Variants in CC2D2B observed in about 807,000 individuals in gnomAD.
The protein encoded by CC2D2B is coiled-coil and C2 domain containing 2B, also known as protein CC2D2B.
CC2D2B carries 128 observed loss-of-function variants against 161.2 expected under a neutral mutation model. That is an observed-to-expected ratio of 0.79 (90% CI 0.69 to 0.92). The LOEUF is 0.92. Among genes scored for constraint, CC2D2B ranks in the 40% least tolerant of loss-of-function variants. CC2D2B has a pLI of 0.00. For synonymous variants in CC2D2B, 391 were observed against 449.8 expected, an observed-to-expected ratio of 0.87 and a Z score of 1.65; for missense variants, 1,173 against 1,375.1, an observed-to-expected ratio of 0.85 and a Z score of 2.32.
At chr10:95,962,392 G>C (rs2076791037) in intron 12 of CC2D2B, among the ~76,000 whole-genome samples, 1 of 152,136 alleles carries the variant, frequency 6.6e-6, no homozygotes, top group Non-Finnish European at 1.5e-5. Context: ...GAAAAGACAA[G>C]ACATTAACAA....
intron 12 of CC2D2B, 97 bp downstream of exon 12, chr10:95,962,066 G>A (rs1187378568): frequency 7.8e-6 from 6 of 773,382 alleles, no homozygotes; most frequent in Non-Finnish European, 1.0e-5. Flanking sequence ...CAGAAGCTAG[G>A]CAACTATTCC....
chr10:96,008,950 T>C (rs1326438514), intron 25 of CC2D2B, among the ~76,000 whole-genome samples: 1 of 152,090 alleles, frequency 6.6e-6, no homozygotes, highest in Non-Finnish European at 1.5e-5. Context: ...ATTTTGCAAC[T>C]CTGTTTGTAG....
At chr10:95,946,742 G>A (rs2076211414) in intron 9 of CC2D2B, among the ~76,000 whole-genome samples, 1 of 152,078 alleles carries the variant, frequency 6.6e-6, no homozygotes, top group African/African-American at 2.4e-5. Flanking sequence ...GAAAAAATAA[G>A]GAGGCAGAGA....
chr10:95,979,484 T>C (rs2077436085), intron 17 of CC2D2B, among the ~76,000 whole-genome samples: 1 of 152,134 alleles, frequency 6.6e-6, no homozygotes. Flanking sequence ...GGTCTCTTTA[T>C]CTAAGTAAAG....
chr10:95,995,041 G>T (rs560470785), intron 22 of CC2D2B, among the ~76,000 whole-genome samples: 2 of 152,092 alleles, frequency 1.3e-5, no homozygotes, highest in South Asian at 4.2e-4. Flanking sequence ...TTTTATCATA[G>T]ACGAGATCTA....
chr10:96,004,314 C>A, intron 25 of CC2D2B, 66 bp downstream of exon 25: 1 of 839,936 alleles, frequency 1.2e-6, no homozygotes, highest in Non-Finnish European at 1.8e-6. Flanking sequence ...ATGAAGTCTA[C>A]TAACATGTTT....
chr10:95,935,818 C>T (rs918359248), intron 6 of CC2D2B, among the ~76,000 whole-genome samples: 2 of 152,140 alleles, frequency 1.3e-5, no homozygotes, highest in Non-Finnish European at 2.9e-5. Context: ...ATAGTACCCC[C>T]AACCTACCCA....
At chr10:95,939,421 A>T (rs2075944723) in intron 9 of CC2D2B, among the ~76,000 whole-genome samples, 1 of 152,156 alleles carries the variant, frequency 6.6e-6, no homozygotes, top group Admixed American at 6.5e-5. Context: ...TCCAGTTTTG[A>T]CTATTACTAA....
At chr10:96,015,316 A>C (rs990915602) in intron 29 of CC2D2B, among the ~76,000 whole-genome samples, 1 of 141,970 alleles carries the variant, frequency 7.0e-6, no homozygotes, top group Non-Finnish European at 1.5e-5. Context: ...TGACCTCGTG[A>C]TCTGGCCGCC....
At chr10:96,029,277 T>C (rs1435625975) in intron 34 of CC2D2B, among the ~76,000 whole-genome samples, 4 of 62,080 alleles carry the variant, frequency 6.4e-5, no homozygotes, top group African/African-American at 2.6e-4. Flanking sequence ...TATATATATA[T>C]ATATATATGT....
chr10:95,965,004 G>C (rs1433273293), intron 12 of CC2D2B, among the ~76,000 whole-genome samples: 1 of 152,054 alleles, frequency 6.6e-6, no homozygotes, highest in African/African-American at 2.4e-5. Context: ...GAATTGCTGG[G>C]TCATATGGTA....
chr10:96,006,465 G>C (rs1247257904), intron 25 of CC2D2B, among the ~76,000 whole-genome samples: 1 of 151,868 alleles, frequency 6.6e-6, no homozygotes, highest in East Asian at 1.9e-4. Flanking sequence ...AAAGGCTTTT[G>C]TGTAAACTTT....
chr10:95,935,905 G>T (rs1285458837), intron 6 of CC2D2B, among the ~76,000 whole-genome samples: 2 of 152,054 alleles, frequency 1.3e-5, no homozygotes, highest in African/African-American at 4.8e-5. Context: ...ATATTTCTGT[G>T]TCTATTTGTT....
chr10:95,944,865 A>G (rs1332424935), intron 9 of CC2D2B, among the ~76,000 whole-genome samples: 1 of 152,206 alleles, frequency 6.6e-6, no homozygotes, highest in South Asian at 2.1e-4. Context: ...GAGTTTTAAA[A>G]TTCTTTCTTG....
Position 95,983,736 on chromosome 10 carries a change from CA to C in CC2D2B, c.2214del (p.Gly739ValfsTer3). Reference sequence around the variant, plus strand: ...TTCCAGCTATTGCAACTTAGAAATGCAGGTCAATTAGATAATTTCCTTCTAC... The same window carrying C: ...TTCCAGCTATTGCAACTTAGAAATGCGGTCAATTAGATAATTTCCTTCTAC... Reference protein sequence around the residue: ...KRFQLLQLRNAGQLDNFLLQQ... With the variant: ...KRFQLLQLRNXGQLDNFLLQQ... On this transcript the variant is annotated frameshift_variant, in exon 19 of 35. Transcript: ENST00000646931. LOFTEE classifies it high-confidence loss of function. 1 of 1,230,714 alleles carries C rather than the reference CA, an allele frequency of 8.1e-7. No homozygotes were observed. The allele number at this position is 1,230,714 out of a possible 1,614,324, so 76.2% of individuals were successfully genotyped here. A position where few individuals can be genotyped will look rare whatever the true frequency, so the allele number is the denominator to read the frequency against.
chr10:95,932,867 C>G (rs1173055053), intron 6 of CC2D2B, among the ~76,000 whole-genome samples: 3 of 152,058 alleles, frequency 2.0e-5, no homozygotes, highest in African/African-American at 7.2e-5. Flanking sequence ...CTTGGGGTTG[C>G]TCTTCTCGAG....
At chr10:95,912,892 C>A (rs188863494) in intron 2 of CC2D2B, among the ~76,000 whole-genome samples, 2 of 152,126 alleles carry the variant, frequency 1.3e-5, no homozygotes, top group Non-Finnish European at 2.9e-5. Context: ...TACAGGCATA[C>A]CATGTGTAAT....
rs1267237297 is a variant in CC2D2B at position 95,938,011 on chromosome 10, T to C, written c.357T>C (p.Tyr119=). 5 of 1,549,068 alleles carry C rather than the reference T, an allele frequency of 3.2e-6. No individual in the cohort carries two copies. The highest frequency in any genetic ancestry group is 4.9e-5 in the East Asian group (2 of 40,850). Residue 119 remains tyrosine (Y), a synonymous_variant, in exon 7 of 35, where the codon TAT becomes TAC. Transcript: ENST00000646931. ...AACAGAGACCAGTAAACCGTAGTTA[T>C]CCCAAATGCTTTTCACTTGGTGTTA... ...SSEQRPVNRS[Y]PKCFSLGVNL... is the part of the protein sequence containing the mutation.
At chr10:95,929,528 G>A (rs560245139) in intron 6 of CC2D2B, among the ~76,000 whole-genome samples, 1 of 152,206 alleles carries the variant, frequency 6.6e-6, no homozygotes, top group Non-Finnish European at 1.5e-5. Context: ...TATGGTTTTA[G>A]GTCTTACATT....
Sources: gnomAD v4.1 joint callset for allele counts (sites outside exome capture counted in the v4.1 genomes callset) on GRCh38, gnomAD v4.1.1 for gene constraint, MANE v1.5 for transcripts, NCBI Gene and HGNC (gene_info 2026-07-23, HGNC 2026-07-21) for gene names.